Variants in FERMT2 observed in about 807,000 individuals in gnomAD.
FERMT2 encodes the protein FERM domain containing kindlin 2, also known as fermitin family homolog 2.
A neutral mutation model predicts 82.7 loss-of-function variants in FERMT2; 15 were observed. That is an observed-to-expected ratio of 0.18 (90% CI 0.12 to 0.28). FERMT2 has a LOEUF of 0.28. Among genes scored for constraint, FERMT2 ranks in the 10% least tolerant of loss-of-function variants. The pLI is 1.00. For missense variants in FERMT2, 645 were observed against 809.4 expected (o/e 0.80, Z 2.46); for synonymous variants, 274 against 271.5 (o/e 1.01, Z -0.09).
intron 2 of FERMT2, among the ~76,000 whole-genome samples, chr14:52,940,577 T>C (rs1270615705): frequency 6.6e-6 from 1 of 152,220 alleles, no homozygotes; most frequent in African/African-American, 2.4e-5. Context: ...ACTGTTTATG[T>C]ATCTTCTACT....
intron 4 of FERMT2, among the ~76,000 whole-genome samples, chr14:52,884,283 C>A (rs1292138502): frequency 1.3e-5 from 2 of 152,192 alleles, no homozygotes; most frequent in Non-Finnish European, 2.9e-5. Context: ...AGGTCAAGAG[C>A]AAGTAAGCTG....
At chr14:52,919,665 G>A (rs575118528) in intron 2 of FERMT2, among the ~76,000 whole-genome samples, 1 of 152,190 alleles carries the variant, frequency 6.6e-6, no homozygotes, top group African/African-American at 2.4e-5. Context: ...CTGAGGGCTA[G>A]AATAGGAAGG....
chr14:52,948,107 C>T (rs1214110406), intron 2 of FERMT2, among the ~76,000 whole-genome samples: 1 of 152,188 alleles, frequency 6.6e-6, no homozygotes, highest in Non-Finnish European at 1.5e-5. Flanking sequence ...CCTGAGACAA[C>T]AGACTTTGTA....
At chr14:52,907,632 T>C (rs1465464666) in intron 3 of FERMT2, among the ~76,000 whole-genome samples, 1 of 152,138 alleles carries the variant, frequency 6.6e-6, no homozygotes, top group Non-Finnish European at 1.5e-5. Context: ...ATGTGTGAAG[T>C]AGTATATTAT....
intron 2 of FERMT2, among the ~76,000 whole-genome samples, chr14:52,929,855 A>C (rs1291494281): frequency 3.3e-5 from 5 of 151,998 alleles, no homozygotes; most frequent in Non-Finnish European, 4.4e-5. Flanking sequence ...TTCTTTCCTA[A>C]TAGATTATAA....
At chr14:52,886,268 T>C (rs1431532790) in intron 4 of FERMT2, among the ~76,000 whole-genome samples, 3 of 144,936 alleles carry the variant, frequency 2.1e-5, no homozygotes, top group Admixed American at 7.1e-5. Flanking sequence ...CAGAAACTCT[T>C]GGGGGGGAGA....
chr14:52,947,757 C>T (rs997733567), intron 2 of FERMT2, among the ~76,000 whole-genome samples: 3 of 152,126 alleles, frequency 2.0e-5, no homozygotes, highest in Non-Finnish European at 2.9e-5. Flanking sequence ...TGTGTCATGA[C>T]TTCTTTTGTT....
intron 2 of FERMT2, among the ~76,000 whole-genome samples, chr14:52,945,656 A>G (rs1890313944): frequency 6.6e-6 from 1 of 152,138 alleles, no homozygotes; most frequent in Non-Finnish European, 1.5e-5. Context: ...GACTTGATCT[A>G]ACCCAACTTC....
chr14:52,878,965 T>A (rs1172818101), intron 6 of FERMT2, among the ~76,000 whole-genome samples: 1 of 152,216 alleles, frequency 6.6e-6, no homozygotes, highest in Non-Finnish European at 1.5e-5. Context: ...AGATTCTGTA[T>A]GTTATTTTTC....
chr14:52,912,774 C>T (rs533578851), intron 3 of FERMT2, among the ~76,000 whole-genome samples: 1 of 151,892 alleles, frequency 6.6e-6, no homozygotes, highest in East Asian at 1.9e-4. Flanking sequence ...CCTCCCAAAG[C>T]GCTGGGATTA....
intron 2 of FERMT2, among the ~76,000 whole-genome samples, chr14:52,921,912 C>A (rs1053694750): frequency 2.6e-5 from 4 of 152,084 alleles, no homozygotes; most frequent in Non-Finnish European, 5.9e-5. Flanking sequence ...CTTTCTTTCT[C>A]ACATCTAGTG....
chr14:52,881,607 C>G, intron 4 of FERMT2, 138 bp from the exon 5 acceptor site: 1 of 834,438 alleles, frequency 1.2e-6, no homozygotes. Flanking sequence ...TATTATTTTA[C>G]CTGTTATGAA....
At position 52,925,075 on chromosome 14, in the gene FERMT2, C is replaced by T. The variant is rs190917650; in HGVS notation, c.158-5719G>A. The stretch of plus-strand genomic sequence containing the variant: ...TCACACTACCTATCTTATTTTGAAA[C>T]TAACAGTATCTCCATATCAAGTCAC... On this transcript the variant is annotated intron_variant, in intron 2 of 14. Coordinates refer to ENST00000341590, the MANE Select transcript of FERMT2 (RefSeq NM_006832.3). Among the ~76,000 whole-genome samples the T allele has an allele frequency of 6.8e-4, 103 of 152,206 alleles. No homozygotes were observed. The East Asian group carries it at 0.019, about 29-fold the overall frequency.
rs1886484592 is a variant in FERMT2, at chr14:52,884,655, C to T, written c.527-3186G>A. 2.0e-5 allele frequency among the ~76,000 whole-genome samples: 3 copies of T among 151,932 alleles called. No individual in the cohort carries two copies. In the South Asian group the frequency reaches 6.2e-4, roughly 31 times the overall value. On this transcript the variant is annotated intron_variant, in intron 4 of 14. Transcript: ENST00000341590. ...AGTCTGGCTGTAGGGCTACACACTGCCTCCATGTACTATAACTTACGTAAG... is the reference window on the plus strand; with the variant it reads ...AGTCTGGCTGTAGGGCTACACACTGTCTCCATGTACTATAACTTACGTAAG...
chr14:52,921,186 T>C (rs1237839592), intron 2 of FERMT2, among the ~76,000 whole-genome samples: 1 of 152,156 alleles, frequency 6.6e-6, no homozygotes, highest in Non-Finnish European at 1.5e-5. Context: ...AATGGTGAAA[T>C]TTACTTGATA....
Position 52,910,511 on chromosome 14 carries a change from C to T in FERMT2, c.391+8612G>A, listed in dbSNP as rs148189045. ...TACGTTACATTAAAAAAAAAAATGA[C>T]GTTCTTTGACAACAGTCTTTCTGTC... On this transcript the variant is annotated intron_variant, in intron 3 of 14. Coordinates refer to ENST00000341590, the MANE Select transcript of FERMT2 (RefSeq NM_006832.3). 1.1e-4 allele frequency among the ~76,000 whole-genome samples: 17 copies of T among 151,828 alleles called. No homozygotes were observed. In the East Asian group the frequency reaches 2.3e-3, roughly 21 times the overall value.
intron 4 of FERMT2, among the ~76,000 whole-genome samples, chr14:52,882,041 AGAAT>A (rs1163010733): frequency 1.3e-5 from 2 of 152,226 alleles, no homozygotes; most frequent in Non-Finnish European, 1.5e-5. Context: ...TCAATTTAAA[AGAAT>A]GAAGTTGTGC....
intron 3 of FERMT2, among the ~76,000 whole-genome samples, chr14:52,915,494 T>A (rs1888565396): frequency 6.6e-6 from 1 of 152,236 alleles, no homozygotes; most frequent in Admixed American, 6.5e-5. Flanking sequence ...TTTTGGTTTA[T>A]GACAGAGCTG....
Position 52,858,360 on chromosome 14 carries a change from T to A in FERMT2, c.*17A>T. ...ATATTGTTATGGCCGTGGAGTTTCA[T>A]TAAACAGTATTCCTATTCACACCCA... On this transcript the variant is annotated 3_prime_UTR_variant, in exon 15 of 15. Coordinates refer to ENST00000341590, the MANE Select transcript of FERMT2 (RefSeq NM_006832.3). The A allele has an allele frequency of 6.2e-7, 1 of 1,603,006 alleles. No homozygotes were observed. The highest frequency in any genetic ancestry group is 1.1e-5 in the South Asian group (1 of 90,834).
Sources: allele counts gnomAD v4.1 joint callset (sites outside exome capture counted in the v4.1 genomes callset), GRCh38; gene constraint gnomAD v4.1.1; transcripts MANE v1.5; gene names NCBI Gene and HGNC (gene_info 2026-07-23, HGNC 2026-07-21).